The following RBFOX1 variants were observed in gnomAD, a reference collection of about 807,000 sequenced individuals.
RBFOX1 encodes RNA binding fox-1 homolog 1.
A neutral mutation model predicts 57.7 loss-of-function variants in RBFOX1; 8 were observed. The observed-to-expected ratio is 0.14, with a 90% CI of 0.08 to 0.25. RBFOX1 has a LOEUF of 0.25. Among genes scored for constraint, RBFOX1 ranks in the 10% least tolerant of loss-of-function variants. RBFOX1 has a pLI of 1.00. For synonymous variants in RBFOX1, 326 were observed against 222.4 expected, an observed-to-expected ratio of 1.47 and a Z score of -4.15; for missense variants, 611 against 548.5, an observed-to-expected ratio of 1.11 and a Z score of -1.14.
In RBFOX1 at chr16:7,187,144, G is replaced by C. The variant is rs145057949; in HGVS notation, c.27+135046G>C. Among the ~76,000 whole-genome samples the C allele has an allele frequency of 3.9e-5, 6 of 152,006 alleles. No individual in the cohort carries two copies. The East Asian group carries it at 9.7e-4, about 25-fold the overall frequency. On this transcript the variant is annotated intron_variant, in intron 4 of 15. Coordinates refer to ENST00000550418, the MANE Select transcript of RBFOX1 (RefSeq NM_018723.4). The stretch of plus-strand genomic sequence containing the variant: ...TGATGGTGCCACTGCACTCCAGCTT[G>C]GGCGATGGAGTGATACTCTGTCTCA...
At chr16:5,410,047 CAAAAAAA>C (rs57923211) in intron 1 of RBFOX1, among the ~76,000 whole-genome samples, 2 of 114,852 alleles carry the variant, frequency 1.7e-5, no homozygotes, top group East Asian at 3.1e-4. Context: ...GACTCCATCT[CAAAAAAA>C]AAAAAAAAAA....
intron 4 of RBFOX1, among the ~76,000 whole-genome samples, chr16:7,187,688 CACAA>C (rs1305781713): frequency 2.3e-3 from 100 of 43,226 alleles, no homozygotes; most frequent in African/African-American, 7.4e-3. Context: ...GACTCTGTCT[CACAA>C]AAAAAAAAAA....
intron 2 of RBFOX1, among the ~76,000 whole-genome samples, chr16:5,481,046 C>A (rs1004326849): frequency 6.6e-6 from 1 of 152,188 alleles, no homozygotes; most frequent in Non-Finnish European, 1.5e-5. Flanking sequence ...GCCTGTTATC[C>A]CACACAAGTC....
rs185048798 is a variant in RBFOX1, at chr16:5,700,054, G to A, written c.318+101093G>A. ...TTACCGTGTTAGCCAGGATGGTTTC[G>A]ATCTCCTGACCTCATGATCTGCCCG... is the stretch of plus-strand genomic sequence containing the variant. On this transcript the variant is annotated intron_variant, in intron 3 of 19. Transcript: ENST00000641259. Among the ~76,000 whole-genome samples the A allele has an allele frequency of 3.4e-3, 525 of 152,188 alleles. 3 individuals carry two copies. Among genetic ancestry groups the A allele is most frequent in the Non-Finnish European group, 2.7e-3 (181 of 68,008 alleles).
intron 3 of RBFOX1, among the ~76,000 whole-genome samples, chr16:6,718,786 G>C (rs536499867): frequency 6.6e-6 from 1 of 152,186 alleles, no homozygotes; most frequent in East Asian, 1.9e-4. Context: ...CAACTAGGTT[G>C]ACTCCAGTCT....
chr16:6,701,895 C>T (rs1352443959), intron 3 of RBFOX1, among the ~76,000 whole-genome samples: 1 of 152,100 alleles, frequency 6.6e-6, no homozygotes, highest in Non-Finnish European at 1.5e-5. Flanking sequence ...GCGATCTAAA[C>T]ACTGAGTACA....
intron 2 of RBFOX1, among the ~76,000 whole-genome samples, chr16:5,557,672 C>T (rs1323673624): frequency 2.6e-5 from 4 of 152,150 alleles, no homozygotes; most frequent in Non-Finnish European, 5.9e-5. Context: ...TTCTTAGAAA[C>T]ACTTGTAGGC....
chr16:7,462,976 A>G (rs2059853464), intron 4 of RBFOX1, among the ~76,000 whole-genome samples: 1 of 152,198 alleles, frequency 6.6e-6, no homozygotes, highest in African/African-American at 2.4e-5. Flanking sequence ...CTTGAATTAC[A>G]TCTGCAAAGT....
intron 4 of RBFOX1, among the ~76,000 whole-genome samples, chr16:7,399,037 C>T (rs1310535529): frequency 6.6e-6 from 1 of 152,210 alleles, no homozygotes; most frequent in Non-Finnish European, 1.5e-5. Context: ...TGTTGAGTGA[C>T]TGTTGGGTAC....
At chr16:5,449,325 C>T (rs901225025) in intron 1 of RBFOX1, among the ~76,000 whole-genome samples, 13 of 152,336 alleles carry the variant, frequency 8.5e-5, no homozygotes, top group Middle Eastern at 3.4e-3. Flanking sequence ...GTCTCCGCCA[C>T]GGCTGCCCCT....
intron 1 of RBFOX1, among the ~76,000 whole-genome samples, chr16:5,449,306 C>T (rs886301846): frequency 1.3e-5 from 2 of 152,230 alleles, no homozygotes; most frequent in Non-Finnish European, 2.9e-5. Context: ...TCTGAGCCTC[C>T]TCAGAGAAGT....
chr16:5,470,850 T>G (rs567744430), intron 2 of RBFOX1, among the ~76,000 whole-genome samples: 20 of 152,128 alleles, frequency 1.3e-4, no homozygotes, highest in African/African-American at 4.8e-4. Context: ...CAGTGATTAT[T>G]ATTATTATTA....
At chr16:6,439,918 A>T (rs769165997) in intron 2 of RBFOX1, among the ~76,000 whole-genome samples, 24 of 135,964 alleles carry the variant, frequency 1.8e-4, no homozygotes, top group Non-Finnish European at 3.1e-4. Flanking sequence ...CAAAAACAAT[A>T]CTCAGAAGGT....
chr16:5,877,320 A>G (rs2057638898), intron 4 of RBFOX1, among the ~76,000 whole-genome samples: 1 of 152,234 alleles, frequency 6.6e-6, no homozygotes. Context: ...AAAATGAATG[A>G]AACACTTTTT....
At position 5,570,026 on chromosome 16, in the gene RBFOX1, G is replaced by C. The variant is rs571777518; in HGVS notation, c.259-28876G>C. ...GAGTTTAGACTTTATCAGCCCTTTC[G>C]TGGCAACAACACCCAGTGACATTTA... is the stretch of plus-strand genomic sequence containing the variant. On this transcript the variant is annotated intron_variant, in intron 2 of 2. Coordinates refer to the RBFOX1 transcript ENST00000585867. 3.3e-5 allele frequency among the ~76,000 whole-genome samples: 5 copies of C among 152,226 alleles called. No individual in the cohort carries two copies. In the South Asian group the frequency reaches 8.3e-4, roughly 25 times the overall value.
chr16:5,260,639 T>G (rs1456573250), intron 1 of RBFOX1: 1 of 152,236 alleles, frequency 6.6e-6, no homozygotes, highest in Non-Finnish European at 1.5e-5. Flanking sequence ...CATGAAAAAT[T>G]TGTACAGTCA....
intron 1 of RBFOX1, among the ~76,000 whole-genome samples, chr16:6,022,421 C>T (rs955548468): frequency 6.6e-6 from 1 of 152,090 alleles, no homozygotes; most frequent in African/African-American, 2.4e-5. Context: ...TGGCTCATGC[C>T]TGTAATCCCA....
rs187929663 is a variant in RBFOX1, at chr16:6,304,182, G to C, written c.-126-12813G>C. 8.7e-3 allele frequency among the ~76,000 whole-genome samples: 1,321 copies of C among 151,876 alleles called. 26 individuals are homozygous for C. Among genetic ancestry groups the C allele is most frequent in the African/African-American group, 0.03 (1,235 of 41,440 alleles). ...AGGTGCCTGTAGTCCCGGCTATTCA[G>C]GAGGCTGAGGAAGGAGGATCACTTG... On this transcript the variant is annotated intron_variant, in intron 1 of 15. Transcript: ENST00000550418.
intron 3 of RBFOX1, chr16:6,983,640 C>T (rs1042781161): frequency 3.3e-5 from 5 of 152,114 alleles, no homozygotes; most frequent in African/African-American, 1.2e-4. Context: ...TTTTCGCAGG[C>T]TTAATTATAA....
Sources: allele counts gnomAD v4.1 joint callset (sites outside exome capture counted in the v4.1 genomes callset), GRCh38; gene constraint gnomAD v4.1.1; transcripts MANE v1.5; gene names NCBI Gene and HGNC (gene_info 2026-07-23, HGNC 2026-07-21).